PTPRN2: variants seen among roughly 807,000 people sequenced by gnomAD.
PTPRN2 encodes receptor-type tyrosine-protein phosphatase N2.
A neutral mutation model predicts 118.8 loss-of-function variants in PTPRN2; 74 were observed. The observed-to-expected ratio is 0.62, with a 90% CI of 0.52 to 0.76. The LOEUF (loss-of-function observed/expected upper bound fraction) is 0.76. PTPRN2 is among the 30% of genes least tolerant of loss of function. PTPRN2 has a pLI of 0.00. For synonymous variants in PTPRN2, 641 were observed against 608.0 expected, an observed-to-expected ratio of 1.05 and a Z score of -0.80; for missense variants, 1,481 against 1,394.4, an observed-to-expected ratio of 1.06 and a Z score of -0.99.
chr7:158,371,067 C>T (rs759515886), intron 2 of PTPRN2, among the ~76,000 whole-genome samples: 7 of 152,170 alleles, frequency 4.6e-5, no homozygotes, highest in Non-Finnish European at 1.0e-4. Flanking sequence ...AATAATCTCA[C>T]TCGGTCATAA....
At chr7:157,923,166 T>C (rs1798781019) in intron 11 of PTPRN2, among the ~76,000 whole-genome samples, 1 of 152,250 alleles carries the variant, frequency 6.6e-6, no homozygotes, top group South Asian at 2.1e-4. Context: ...CACTGCATGC[T>C]TTTAGAGACG....
At chr7:158,447,910 G>C (rs6958516) in intron 2 of PTPRN2, among the ~76,000 whole-genome samples, 50,651 of 152,200 alleles carry the variant, frequency 0.33, 8,537 homozygotes, top group Admixed American at 0.35. Flanking sequence ...CCGGCTCCTG[G>C]CCATGCTACC....
chr7:157,750,646 T>C (rs2707941), intron 12 of PTPRN2, among the ~76,000 whole-genome samples: 17,530 of 152,260 alleles, frequency 0.12, 1,220 homozygotes, highest in Admixed American at 0.21. Flanking sequence ...ATTTTGGAAA[T>C]AGGTTTTGGC....
intron 6 of PTPRN2, among the ~76,000 whole-genome samples, chr7:158,158,521 T>G (rs144602862): frequency 0.062 from 8,624 of 139,268 alleles, 988 homozygotes; most frequent in African/African-American, 0.078. Flanking sequence ...ACTTCGCAAG[T>G]GCTTTCTGAG....
rs1395981346 is a variant in PTPRN2 at position 157,627,641 on chromosome 7, G to A, written c.2197-6132C>T. ...ACTCCATTAAGGGAATTTTACTTAA[G>A]CTGTTTCTAGATAAGCCCTGAGTGA... On this transcript the variant is annotated intron_variant, in intron 14 of 22. Coordinates refer to ENST00000389418, the MANE Select transcript of PTPRN2 (RefSeq NM_002847.5). The surrounding 1 kb of genome is among the most constrained non-coding windows in gnomAD (Gnocchi z 4.2). 6.6e-6 allele frequency among the ~76,000 whole-genome samples: 1 copy of A among 152,144 alleles called. No homozygotes were observed. Among genetic ancestry groups the A allele is most frequent in the Non-Finnish European group, 1.5e-5 (1 of 68,020 alleles).
intron 3 of PTPRN2, among the ~76,000 whole-genome samples, chr7:158,233,809 TA>T (rs1829331844): frequency 6.6e-6 from 1 of 152,152 alleles, no homozygotes; most frequent in African/African-American, 2.4e-5. Flanking sequence ...AATCCAGGTA[TA>T]AATTCACACG....
intron 3 of PTPRN2, among the ~76,000 whole-genome samples, chr7:158,229,866 GACATAAACA>G: frequency 6.6e-6 from 1 of 152,192 alleles, no homozygotes; most frequent in East Asian, 1.9e-4. Flanking sequence ...ACTTGAGAAA[GACATAAACA>G]TCTAGGTACA....
Position 158,305,683 on chromosome 7 carries a change from A to G in PTPRN2, c.277+11136T>C, listed in dbSNP as rs920513710. ...GTGAAAATGGCAAAGAACCTTAAAC[A>G]TTCCCTCCTTCATAAAAGCAATGAG... On this transcript the variant is annotated intron_variant, in intron 3 of 22. Transcript: ENST00000389418. 4.6e-5 allele frequency among the ~76,000 whole-genome samples: 7 copies of G among 152,202 alleles called. 1 individual carries two copies. The highest frequency in any genetic ancestry group is 7.2e-5 in the African/African-American group (3 of 41,516).
intron 12 of PTPRN2, among the ~76,000 whole-genome samples, chr7:157,835,160 C>A (rs1307472691): frequency 6.6e-6 from 1 of 152,174 alleles, no homozygotes; most frequent in Non-Finnish European, 1.5e-5. Context: ...CCCCCTAGGA[C>A]AAGCAGACCT....
intron 11 of PTPRN2, among the ~76,000 whole-genome samples, chr7:158,006,563 A>C (rs1805644671): frequency 6.6e-6 from 1 of 152,196 alleles, no homozygotes; most frequent in South Asian, 2.1e-4. Context: ...AGACACACTT[A>C]TCACTCACTT....
At chr7:158,270,945 C>CA (rs1798419614) in intron 3 of PTPRN2, among the ~76,000 whole-genome samples, 10 of 60,440 alleles carry the variant, frequency 1.7e-4, no homozygotes, top group East Asian at 5.4e-4. Flanking sequence ...TGGACCACCC[C>CA]CCCACCTGGA....
intron 21 of PTPRN2, among the ~76,000 whole-genome samples, chr7:157,568,549 G>A (rs1269607318): frequency 6.6e-6 from 1 of 152,198 alleles, no homozygotes; most frequent in African/African-American, 2.4e-5. Flanking sequence ...AGGACCCGAG[G>A]GTGGCTTCTC....
At chr7:157,562,605 A>T (rs140576081) in intron 21 of PTPRN2, among the ~76,000 whole-genome samples, 37 of 152,344 alleles carry the variant, frequency 2.4e-4, no homozygotes, top group Non-Finnish European at 4.9e-4. Context: ...AAGTCCGGGG[A>T]GCCACAAAAC....
rs528606473 is a variant in PTPRN2 at position 158,312,264 on chromosome 7, G to T, written c.277+4555C>A. 9.0e-3 allele frequency among the ~76,000 whole-genome samples: 434 copies of T among 48,354 alleles called. 8 individuals are homozygous for T. The highest frequency in any genetic ancestry group is 0.028 in the African/African-American group (403 of 14,532). The allele number at this position is 48,354 out of a possible 152,430, so 31.7% of individuals were successfully genotyped here. The stretch of plus-strand genomic sequence containing the variant: ...CACACACACCTGCACACGCACTCAC[G>T]TGCTCACATGTAGACACGCACACAT... On this transcript the variant is annotated intron_variant, in intron 3 of 22. Coordinates refer to ENST00000389418, the MANE Select transcript of PTPRN2 (RefSeq NM_002847.5).
chr7:157,703,262 G>A (rs1179486702), intron 12 of PTPRN2, among the ~76,000 whole-genome samples: 1 of 152,188 alleles, frequency 6.6e-6, no homozygotes, highest in South Asian at 2.1e-4. Flanking sequence ...TGCTAAGGAC[G>A]CACACTGGGG....
chr7:158,507,252 C>G (rs1441701261), intron 1 of PTPRN2, among the ~76,000 whole-genome samples: 1 of 150,710 alleles, frequency 6.6e-6, no homozygotes, highest in East Asian at 2.0e-4. Context: ...TCAGTGAGGA[C>G]TGTCCAGGGG....
At position 158,544,289 on chromosome 7, in the gene PTPRN2, G is replaced by A. The variant is rs1011223650; in HGVS notation, c.112+43269C>T. On this transcript the variant is annotated intron_variant, in intron 1 of 22. Transcript: ENST00000389418. The surrounding 1 kb of genome is among the most constrained non-coding windows in gnomAD (Gnocchi z 4.2). The stretch of plus-strand genomic sequence containing the variant: ...ATCCAGCCCACAGGCCACGGCCCAC[G>A]AGATGGCTCTGAATGTGGCCCAACA... 2.6e-5 allele frequency among the ~76,000 whole-genome samples: 4 copies of A among 151,932 alleles called. No homozygotes were observed. The highest frequency in any genetic ancestry group is 7.3e-5 in the African/African-American group (3 of 41,346).
intron 12 of PTPRN2, among the ~76,000 whole-genome samples, chr7:157,722,769 G>T (rs1799314097): frequency 6.6e-6 from 1 of 152,100 alleles, no homozygotes; most frequent in Non-Finnish European, 1.5e-5. Context: ...GGCAGCAGGG[G>T]CCCAGTCTGT....
intron 12 of PTPRN2, among the ~76,000 whole-genome samples, chr7:157,727,649 C>T (rs1012753213): frequency 6.6e-6 from 1 of 152,182 alleles, no homozygotes; most frequent in Non-Finnish European, 1.5e-5. Flanking sequence ...TGCTAAGAGG[C>T]GTGCACCTAA....
Sources: gnomAD v4.1 joint callset for allele counts (sites outside exome capture counted in the v4.1 genomes callset) on GRCh38, gnomAD v4.1.1 for gene constraint, Gnocchi (gnomAD v3.1) non-coding constraint, MANE v1.5 for transcripts, NCBI Gene and HGNC (gene_info 2026-07-23, HGNC 2026-07-21) for gene names.